WIPF3: variants seen among roughly 807,000 people sequenced by gnomAD.
The protein encoded by WIPF3 is WAS/WASL interacting protein family member 3, also known as WAS/WASL-interacting protein family member 3.
A neutral mutation model predicts 38.9 loss-of-function variants in WIPF3; 33 were observed. The ratio of observed to expected loss-of-function variants is 0.85; its 90% CI spans 0.64 to 1.14. The LOEUF is 1.14. Among genes scored for constraint, WIPF3 ranks in the 50% most tolerant of loss-of-function variants. The probability of loss-of-function intolerance (pLI) is 0.00; values close to 1 mark genes in which losing one functional copy is unlikely to be tolerated. For missense variants in WIPF3, 711 were observed against 652.5 expected, an observed-to-expected ratio of 1.09 and a Z score of -0.98; for synonymous variants, 324 against 269.3, an observed-to-expected ratio of 1.20 and a Z score of -1.99.
chr7:29,867,166 T>C (rs1383453257), intron 2 of WIPF3, among the ~76,000 whole-genome samples: 1 of 152,264 alleles, frequency 6.6e-6, no homozygotes, highest in Non-Finnish European at 1.5e-5. Flanking sequence ...TGCAGCCGTC[T>C]TGTTAATTCC....
chr7:29,806,593 G>A lies in WIPF3; in HGVS notation c.-143G>A, dbSNP rs573087225. On this transcript the variant is annotated 5_prime_UTR_variant, in exon 1 of 9. Transcript: ENST00000242140. ...GCCGCTTGGAGCACGGGCGCTGCGG[G>A]ACGGAGCCCGGAGCCGGAGGCGGCG... The A allele has an allele frequency of 6.6e-6, 1 of 151,510 alleles. No individual in the cohort carries two copies. The highest frequency in any genetic ancestry group is 2.4e-5 in the African/African-American group (1 of 41,358). 9.4% of individuals were successfully genotyped at this position (151,510 alleles called of 1,614,324 possible).
intron 8 of WIPF3, among the ~76,000 whole-genome samples, chr7:29,910,409 CT>C (rs1386562177): frequency 7.9e-5 from 12 of 152,186 alleles, no homozygotes; most frequent in Non-Finnish European, 1.6e-4. Context: ...GGAGGGAACG[CT>C]TTTTATCTAT....
intron 1 of WIPF3, among the ~76,000 whole-genome samples, chr7:29,833,143 G>A (rs1011878546): frequency 2.6e-5 from 4 of 152,214 alleles, no homozygotes; most frequent in Admixed American, 2.0e-4. Flanking sequence ...AAGTAGAACA[G>A]AGGTTACTGG....
At position 29,835,847 on chromosome 7, in the gene WIPF3, C is replaced by G. The variant is rs192760182; in HGVS notation, c.90+1033C>G. ...AGTCAGCAGAAGCCAGGAACAGAAC[C>G]TCCCTGCCATCCTCCCCACCGGATG... is the stretch of plus-strand genomic sequence containing the variant. On this transcript the variant is annotated intron_variant, in intron 2 of 8. Transcript: ENST00000242140. Among the ~76,000 whole-genome samples, 830 of 152,254 alleles carry G rather than the reference C, an allele frequency of 5.5e-3. 5 individuals are homozygous for G. Among genetic ancestry groups the G allele is most frequent in the African/African-American group, 0.018 (763 of 41,548 alleles).
At chr7:29,827,432 T>G (rs1171996308) in intron 1 of WIPF3, among the ~76,000 whole-genome samples, 1 of 152,198 alleles carries the variant, frequency 6.6e-6, no homozygotes, top group Non-Finnish European at 1.5e-5. Context: ...TTTTATTATT[T>G]TACTTATAGC....
At position 29,884,306 on chromosome 7, in the gene WIPF3, G is replaced by A. The variant is rs1484159378; in HGVS notation, c.812G>A (p.Gly271Glu). 3.3e-6 allele frequency: 5 copies of A among 1,517,934 alleles called. No homozygotes were observed. In the African/African-American group the frequency reaches 7.5e-5, roughly 23 times the overall value. 94.0% of individuals were successfully genotyped at this position (1,517,934 alleles called of 1,614,324 possible). A position where few individuals can be genotyped will look rare whatever the true frequency, so the allele number is the denominator to read the frequency against. Residue 271 changes from glycine (G) to glutamate (E), a missense_variant, in exon 5 of 9, where the codon GGG (glycine) becomes GAG (glutamate). By Grantham distance (98) the Gly-to-Glu change is moderately conservative. Transcript: ENST00000242140. ...CCGCTCCCTCTGCTCCCACCTTGTG[G>A]GTATCCGGGGCTCAAAGCGGAGCCC... Reference protein sequence around the residue: ...PPPLPLLPPCGYPGLKAEPAS... With the variant: ...PPPLPLLPPCEYPGLKAEPAS...
At chr7:29,860,946 G>C (rs1562779876) in intron 2 of WIPF3, among the ~76,000 whole-genome samples, 1 of 152,126 alleles carries the variant, frequency 6.6e-6, no homozygotes, top group African/African-American at 2.4e-5. Context: ...GGGTGGGGCA[G>C]AGATTATGAG....
intron 7 of WIPF3, among the ~76,000 whole-genome samples, chr7:29,899,471 T>C (rs948056827): frequency 6.6e-6 from 1 of 152,268 alleles, no homozygotes; most frequent in African/African-American, 2.4e-5. Context: ...TGGCAGAGAC[T>C]GCAGCAGTTT....
intron 7 of WIPF3, among the ~76,000 whole-genome samples, chr7:29,892,682 G>A (rs943085798): frequency 1.3e-5 from 2 of 152,186 alleles, no homozygotes; most frequent in African/African-American, 4.8e-5. Context: ...CTGAACCCAG[G>A]GCCAGTTCCA....
At position 29,883,871 on chromosome 7, in the gene WIPF3, C is replaced by T; in HGVS notation, c.377C>T (p.Pro126Leu). Residue 126 changes from proline to leucine, a missense_variant, in exon 5 of 9, where the codon CCT becomes CTT. Coordinates refer to ENST00000242140, the MANE Select transcript of WIPF3 (RefSeq NM_001080529.3). ...CCAGGTGGCAAGACAGGGCAGGGCCCTGGCTCCCGCGCGCCCTCTCCCAGG... is the reference window on the plus strand; with the variant it reads ...CCAGGTGGCAAGACAGGGCAGGGCCTTGGCTCCCGCGCGCCCTCTCCCAGG... Reference protein sequence around the residue: ...DVAGGKTGQGPGSRAPSPRLP... With the variant: ...DVAGGKTGQGLGSRAPSPRLP... 6.4e-7 allele frequency: 1 copy of T among 1,563,846 alleles called. No homozygotes were observed. The highest frequency in any genetic ancestry group is 8.7e-7 in the Non-Finnish European group (1 of 1,151,318).
In WIPF3 at chr7:29,884,638, A is replaced by G. The variant is rs772127334; in HGVS notation, c.1099+45A>G. On this transcript the variant is annotated intron_variant, in intron 5 of 8. Transcript: ENST00000242140. ...CCAGTGCCCCTGGTGGAGTGCGATA[A>G]AATCTCGTCGTTGCACAGGACTTTA... 9 of 1,556,106 alleles carry G rather than the reference A, an allele frequency of 5.8e-6. No individual in the cohort carries two copies. The South Asian group carries it at 1.1e-4, about 19-fold the overall frequency.
intron 7 of WIPF3, among the ~76,000 whole-genome samples, chr7:29,894,542 A>G (rs957364395): frequency 6.6e-6 from 1 of 152,140 alleles, no homozygotes; most frequent in African/African-American, 2.4e-5. Flanking sequence ...CTAGTGCAGA[A>G]CCTTTTAAAT....
chr7:29,908,062 T>C (rs1786433322), intron 8 of WIPF3, among the ~76,000 whole-genome samples: 1 of 152,108 alleles, frequency 6.6e-6, no homozygotes, highest in South Asian at 2.1e-4. Context: ...AAGACAGAGA[T>C]TGGCAGAATG....
rs1473119553 is a variant in WIPF3, at chr7:29,915,084, T to A, written c.*568T>A. ...CATTTTGCAGTACAGGGAATTTTTTTTTTTTTTTTTTTTTTTTTTTTTGCT... is the reference window on the plus strand; with the variant it reads ...CATTTTGCAGTACAGGGAATTTTTTATTTTTTTTTTTTTTTTTTTTTTGCT... On this transcript the variant is annotated 3_prime_UTR_variant, in exon 9 of 9. Transcript: ENST00000242140. 7.2e-6 allele frequency: 1 copy of A among 138,468 alleles called. No homozygotes were observed. Among genetic ancestry groups the A allele is most frequent in the East Asian group, 2.1e-4 (1 of 4,854 alleles). 8.6% of individuals were successfully genotyped at this position (138,468 alleles called of 1,614,324 possible).
intron 2 of WIPF3, among the ~76,000 whole-genome samples, chr7:29,855,377 A>G (rs1785170866): frequency 6.6e-6 from 1 of 152,232 alleles, no homozygotes. Context: ...CTTTGCTTCT[A>G]ATGACATAAA....
intron 1 of WIPF3, among the ~76,000 whole-genome samples, chr7:29,813,324 TAAC>T (rs1182074311): frequency 1.3e-5 from 2 of 152,196 alleles, no homozygotes; most frequent in Admixed American, 1.3e-4. Context: ...CACAGATGTC[TAAC>T]AACATCTTTC....
At chr7:29,879,184 T>G in intron 4 of WIPF3, 44 bp downstream of exon 4, 2 of 1,586,978 alleles carry the variant, frequency 1.3e-6, no homozygotes, top group Non-Finnish European at 1.7e-6. Context: ...CTGTATCTCC[T>G]TAACTTGTGG....
chr7:29,807,840 G>T (rs1784307795), intron 1 of WIPF3, among the ~76,000 whole-genome samples: 1 of 152,178 alleles, frequency 6.6e-6, no homozygotes, highest in Non-Finnish European at 1.5e-5. Context: ...TGATTTAGAA[G>T]GTTTGTGCCC....
chr7:29,892,510 G>C, intron 7 of WIPF3, among the ~76,000 whole-genome samples: 1 of 152,260 alleles, frequency 6.6e-6, no homozygotes, highest in East Asian at 1.9e-4. Context: ...CCCTGCAGTG[G>C]ATGCTGTGGA....
Sources: allele counts gnomAD v4.1 joint callset (sites outside exome capture counted in the v4.1 genomes callset), GRCh38; gene constraint gnomAD v4.1.1; transcripts MANE v1.5; gene names NCBI Gene and HGNC (gene_info 2026-07-23, HGNC 2026-07-21).